The following VPS35 variants were observed in gnomAD, a reference collection of about 807,000 sequenced individuals.
VPS35 encodes vacuolar protein sorting-associated protein 35.
Under a neutral mutation model 98.1 loss-of-function variants are expected in VPS35, and 21 were observed. The ratio of observed to expected loss-of-function variants is 0.21; its 90% CI spans 0.15 to 0.31. VPS35 has a LOEUF of 0.31. VPS35 is among the 10% of genes least tolerant of loss of function. The pLI is 1.00. For missense variants in VPS35, 554 were observed against 950.8 expected (o/e 0.58, Z 5.49); for synonymous variants, 268 against 318.2 (o/e 0.84, Z 1.68).
In VPS35 at chr16:46,660,507, A is replaced by T. The variant is rs1965895769; in HGVS notation, c.2356T>A (p.Ser786Thr). 7 of 1,613,926 alleles carry T rather than the reference A, an allele frequency of 4.3e-6. No individual in the cohort carries two copies. The highest frequency in any genetic ancestry group is 5.1e-6 in the Non-Finnish European group (6 of 1,180,016). Residue 786 changes from serine (S) to threonine (T), a missense_variant, in exon 17 of 17, where the codon TCC becomes ACC. This residue lies in a region of VPS35 where 153 missense variants were observed against 211.0 expected (regional missense o/e 0.73). Transcript: ENST00000299138. Reference protein sequence around the residue: ...HLRLRRESPESEGPIYEGLIL With the variant: ...HLRLRRESPETEGPIYEGLIL ...AGACCTTCATAAATTGGCCCCTCGGATTCTGGTGATTCCCGCCGCAAGCGC... is the reference window on the plus strand; with the variant it reads ...AGACCTTCATAAATTGGCCCCTCGGTTTCTGGTGATTCCCGCCGCAAGCGC...
rs1965854732 is a variant in VPS35 at position 46,657,749 on chromosome 16, A to C, written c.*2723T>G. The C allele has an allele frequency of 6.6e-6, 1 of 152,164 alleles. No individual in the cohort carries two copies. Among genetic ancestry groups the C allele is most frequent in the African/African-American group, 2.4e-5 (1 of 41,430 alleles). The allele number at this position is 152,164 out of a possible 1,614,324, so 9.4% of individuals were successfully genotyped here. On this transcript the variant is annotated 3_prime_UTR_variant, in exon 17 of 17. Coordinates refer to ENST00000299138, the MANE Select transcript of VPS35 (RefSeq NM_018206.6). ...TTTCCTGGGTAGAGGCAGGAAAGGGAGGGTAGGAAAGTCTAACACGGCAGG... is the reference window on the plus strand; with the variant it reads ...TTTCCTGGGTAGAGGCAGGAAAGGGCGGGTAGGAAAGTCTAACACGGCAGG...
At chr16:46,687,008 A>G (rs1024624572) in intron 1 of VPS35, among the ~76,000 whole-genome samples, 4 of 152,176 alleles carry the variant, frequency 2.6e-5, no homozygotes, top group African/African-American at 9.7e-5. Flanking sequence ...AGAGTACACC[A>G]CTGTTATGAA....
chr16:46,670,626 A>C (rs1329781110), intron 12 of VPS35, among the ~76,000 whole-genome samples: 2 of 152,176 alleles, frequency 1.3e-5, no homozygotes, highest in African/African-American at 4.8e-5. Context: ...TAGGCAATAG[A>C]AAATGAAAAC....
At chr16:46,662,679 T>C (rs1427869771) in intron 14 of VPS35, among the ~76,000 whole-genome samples, 197 bp from the exon 15 acceptor site, 1 of 152,196 alleles carries the variant, frequency 6.6e-6, no homozygotes, top group Non-Finnish European at 1.5e-5. Flanking sequence ...TAAAGAAACT[T>C]CTTTCAACTT....
chr16:46,667,040 C>T (rs1367970490), intron 13 of VPS35, among the ~76,000 whole-genome samples: 1 of 152,184 alleles, frequency 6.6e-6, no homozygotes, highest in Non-Finnish European at 1.5e-5. Flanking sequence ...TGAGGAACCT[C>T]CATACTGTTT....
chr16:46,676,605 T>C lies in VPS35; in HGVS notation c.892A>G (p.Ile298Val), dbSNP rs758068523. The change falls in exon 8 of 17, where the codon ATA becomes GTA. Residue 298 changes from isoleucine to valine, a missense_variant. Around this residue, in one of 5 missense-constraint regions of VPS35, gnomAD observed 254 missense variants for 390.1 expected, o/e 0.65. Coordinates refer to ENST00000299138, the MANE Select transcript of VPS35 (RefSeq NM_018206.6). ...ELHQNVNVKN[I>V]IIALIDRLAL... ...TACCTATCAATTAAAGCAATGATTA[T>C]GTTCTTCACATTTACATTCTGGTGT... 6 of 1,610,002 alleles carry C rather than the reference T, an allele frequency of 3.7e-6. No homozygotes were observed. The highest frequency in any genetic ancestry group is 5.1e-6 in the Non-Finnish European group (6 of 1,177,718).
intron 1 of VPS35, among the ~76,000 whole-genome samples, chr16:46,686,653 C>T (rs1966321013): frequency 6.6e-6 from 1 of 152,134 alleles, no homozygotes. Context: ...TTCTTGATGC[C>T]TTACTATGAA....
intron 13 of VPS35, among the ~76,000 whole-genome samples, chr16:46,663,969 C>T (rs1965952506): frequency 6.7e-6 from 1 of 149,056 alleles, no homozygotes; most frequent in Non-Finnish European, 1.5e-5. Context: ...CCTCAGCCTC[C>T]CAAAGTGTTG....
At position 46,658,813 on chromosome 16, in the gene VPS35, A is replaced by G. The variant is rs1965866354; in HGVS notation, c.*1659T>C. 1 of 152,272 alleles carries G rather than the reference A, an allele frequency of 6.6e-6. No individual in the cohort carries two copies. Among genetic ancestry groups the G allele is most frequent in the Non-Finnish European group, 1.5e-5 (1 of 68,048 alleles). The allele number at this position is 152,272 out of a possible 1,614,324, so 9.4% of individuals were successfully genotyped here. A position where few individuals can be genotyped will look rare whatever the true frequency, so the allele number is the denominator to read the frequency against. ...GGAAACATCTGTTCATGTAAAGCCC[A>G]GCAAGGGCTAGTCATCAAGTGCTAG... On this transcript the variant is annotated 3_prime_UTR_variant, in exon 17 of 17. Coordinates refer to ENST00000299138, the MANE Select transcript of VPS35 (RefSeq NM_018206.6).
At chr16:46,677,228 C>T (rs1469410655) in intron 7 of VPS35, 87 bp downstream of exon 7, 3 of 1,216,702 alleles carry the variant, frequency 2.5e-6, no homozygotes, top group Non-Finnish European at 3.6e-6. Flanking sequence ...AGCTTATTTC[C>T]TATTCCATCA....
At chr16:46,660,792 A>G in intron 16 of VPS35, 141 bp from the exon 17 acceptor site, 1 of 496,854 alleles carries the variant, frequency 2.0e-6, no homozygotes, top group South Asian at 1.6e-5. Flanking sequence ...TGGGGATACA[A>G]TTCCTAGTTT....
rs557875371 is a variant in VPS35 at position 46,661,720 on chromosome 16, C to G, written c.2209G>C (p.Ala737Pro). 6.2e-7 allele frequency: 1 copy of G among 1,605,942 alleles called. No homozygotes were observed. The highest frequency in any genetic ancestry group is 1.1e-5 in the South Asian group (1 of 90,870). Residue 737 changes from alanine (A) to proline (P), a missense_variant and splice_region_variant, in exon 16 of 17, where the codon GCG becomes CCG. Ala to Pro is a conservative substitution (Grantham distance 27, BLOSUM62 -1). This residue lies in a region of VPS35 where 153 missense variants were observed against 211.0 expected (regional missense o/e 0.73). Transcript: ENST00000299138. This position sits in a 1 kb window ranked among gnomAD's most constrained non-coding sequence, Gnocchi z 4.3. ...YIYFYEKEND[A>P]VTIQVLNQLI... Reference sequence around the variant, plus strand: ...CAACACTTTACTAATTCACTTACCGCATCATTTTCCTTTTCATAAAAATAG... The same window carrying G: ...CAACACTTTACTAATTCACTTACCGGATCATTTTCCTTTTCATAAAAATAG...
chr16:46,666,519 C>T (rs1387184400), intron 13 of VPS35, among the ~76,000 whole-genome samples: 2 of 151,696 alleles, frequency 1.3e-5, no homozygotes, highest in Non-Finnish European at 2.9e-5. Flanking sequence ...CCGCCTGCTT[C>T]GGCCTCCCAA....
chr16:46,661,287 T>C lies in VPS35; in HGVS notation c.2211+431A>G, dbSNP rs1965911214. ...TCTTGTTGCCCAGGCAGGAGTGCAATGGCACAGTCTTGGCTCACTGCAGCC... is the reference window on the plus strand; with the variant it reads ...TCTTGTTGCCCAGGCAGGAGTGCAACGGCACAGTCTTGGCTCACTGCAGCC... On this transcript the variant is annotated intron_variant, in intron 16 of 16. Transcript: ENST00000299138. The surrounding 1 kb of genome is among the most constrained non-coding windows in gnomAD (Gnocchi z 4.3). Among the ~76,000 whole-genome samples the C allele has an allele frequency of 6.6e-6, 1 of 152,176 alleles. No homozygotes were observed. The highest frequency in any genetic ancestry group is 1.5e-5 in the Non-Finnish European group (1 of 68,020).
intron 12 of VPS35, among the ~76,000 whole-genome samples, chr16:46,671,253 A>G (rs1966064330): frequency 6.6e-6 from 1 of 152,216 alleles, no homozygotes; most frequent in Non-Finnish European, 1.5e-5. Flanking sequence ...AATTAAATAT[A>G]AGAATTGTAT....
intron 1 of VPS35, among the ~76,000 whole-genome samples, chr16:46,684,812 G>A (rs36312): frequency 0.79 from 120,846 of 152,174 alleles, 48,829 homozygotes; most frequent in East Asian, 0.99. Flanking sequence ...ATTAATGGAT[G>A]AATAAACAAG....
At chr16:46,679,369 T>C (rs1966199048) in intron 5 of VPS35, among the ~76,000 whole-genome samples, 1 of 152,170 alleles carries the variant, frequency 6.6e-6, no homozygotes. Flanking sequence ...AAAGGGCAAA[T>C]TACTTTCCCC....
chr16:46,673,702 T>C (rs561953118), intron 10 of VPS35: 7 of 153,370 alleles, frequency 4.6e-5, no homozygotes, highest in Non-Finnish European at 8.7e-5. Context: ...TTTAAACCAA[T>C]TTAATTCTGC....
At chr16:46,688,741 C>T in intron 1 of VPS35, 1 of 1,207,872 alleles carries the variant, frequency 8.3e-7, no homozygotes, top group South Asian at 2.2e-5. Flanking sequence ...GGCGCCACCT[C>T]CGAGTCTCAG....
Sources: gnomAD v4.1 joint callset for allele counts (sites outside exome capture counted in the v4.1 genomes callset) on GRCh38, gnomAD v4.1.1 for gene constraint, gnomAD v4.1.1 regional missense constraint, Gnocchi (gnomAD v3.1) non-coding constraint, MANE v1.5 for transcripts, NCBI Gene and HGNC (gene_info 2026-07-23, HGNC 2026-07-21) for gene names.